Variants in IL1RAPL2 observed in about 807,000 individuals in gnomAD.
The protein encoded by IL1RAPL2 is X-linked interleukin-1 receptor accessory protein-like 2.
IL1RAPL2 carries 3 observed loss-of-function variants against 44.1 expected under a neutral mutation model. The ratio of observed to expected loss-of-function variants is 0.07; its 90% CI spans 0.03 to 0.18. The LOEUF (loss-of-function observed/expected upper bound fraction) is 0.18, where lower values mean the gene tolerates loss of function less well. IL1RAPL2 is among the 10% of genes least tolerant of loss of function. IL1RAPL2 has a pLI of 1.00. For synonymous variants in IL1RAPL2, 181 were observed against 178.8 expected (o/e 1.01, Z -0.10); for missense variants, 391 against 496.4 (o/e 0.79, Z 2.02).
At chrX:105,475,504 C>T (rs752752292) in intron 5 of IL1RAPL2, among the ~76,000 whole-genome samples, 1 of 110,883 alleles carries the variant, frequency 9.0e-6, no homozygotes, top group East Asian at 2.8e-4. Context: ...CTAACTATAT[C>T]CCAAGTTCTG....
chrX:104,842,896 G>A (rs1921948887), intron 2 of IL1RAPL2, among the ~76,000 whole-genome samples: 1 of 112,752 alleles, frequency 8.9e-6, no homozygotes, highest in South Asian at 3.7e-4. Context: ...GAGGCAGTCT[G>A]TCCCTTAGCG....
At chrX:104,675,261 C>T (rs1468735931) in intron 2 of IL1RAPL2, among the ~76,000 whole-genome samples, 4 of 111,496 alleles carry the variant, frequency 3.6e-5, no homozygotes, top group Admixed American at 9.5e-5. Context: ...CCTCTACACA[C>T]TGCTTTAAAT....
intron 6 of IL1RAPL2, among the ~76,000 whole-genome samples, chrX:105,586,171 C>G (rs1396705599): frequency 9.0e-6 from 1 of 110,885 alleles, no homozygotes; most frequent in Non-Finnish European, 1.9e-5. Context: ...GCAAACCACC[C>G]CATTAAAAAG....
chrX:105,685,198 G>T (rs912526873), intron 6 of IL1RAPL2, among the ~76,000 whole-genome samples: 1 of 112,114 alleles, frequency 8.9e-6, no homozygotes, highest in African/African-American at 3.2e-5. Context: ...GCTGGATGGA[G>T]AATGACTTTG....
At chrX:104,931,597 G>A (rs1472309590) in intron 2 of IL1RAPL2, among the ~76,000 whole-genome samples, 1 of 111,424 alleles carries the variant, frequency 9.0e-6, no homozygotes, top group African/African-American at 3.3e-5. Flanking sequence ...GGTATTATTT[G>A]TGAGAAGGCC....
intron 5 of IL1RAPL2, among the ~76,000 whole-genome samples, chrX:105,471,368 AGTGG>A (rs1037825863): frequency 8.9e-6 from 1 of 111,784 alleles, no homozygotes; most frequent in African/African-American, 3.2e-5. Context: ...TGATCTAGAT[AGTGG>A]GTGGCAGATG....
chrX:105,447,315 A>G (rs1177261880), intron 5 of IL1RAPL2, among the ~76,000 whole-genome samples: 1 of 63,718 alleles, frequency 1.6e-5, no homozygotes, highest in East Asian at 5.3e-4. Flanking sequence ...AAATATAAAT[A>G]TATATAAATA....
At chrX:104,909,860 T>A (rs1924173368) in intron 2 of IL1RAPL2, among the ~76,000 whole-genome samples, 1 of 112,664 alleles carries the variant, frequency 8.9e-6, no homozygotes, top group Admixed American at 9.3e-5. Flanking sequence ...GCAGGCCTCC[T>A]TGAGCTGTGG....
At chrX:105,445,998 C>T (rs2035951849) in intron 5 of IL1RAPL2, among the ~76,000 whole-genome samples, 1 of 110,989 alleles carries the variant, frequency 9.0e-6, no homozygotes. Context: ...GTGTAATTCC[C>T]CTGCTATTAT....
At chrX:105,409,906 TAAAC>T (rs2035682765) in intron 5 of IL1RAPL2, among the ~76,000 whole-genome samples, 1 of 108,591 alleles carries the variant, frequency 9.2e-6, no homozygotes, top group Non-Finnish European at 1.9e-5. Flanking sequence ...AAACATATTT[TAAAC>T]AAACAGTATA....
chrX:105,005,029 C>T (rs765435712), intron 2 of IL1RAPL2, among the ~76,000 whole-genome samples: 1 of 108,895 alleles, frequency 9.2e-6, no homozygotes, highest in Non-Finnish European at 1.9e-5. Context: ...ATGCTCATGC[C>T]TTCAGCCTTC....
intron 5 of IL1RAPL2, among the ~76,000 whole-genome samples, chrX:105,297,925 A>G (rs1291365587): frequency 9.0e-6 from 1 of 111,205 alleles, no homozygotes; most frequent in Non-Finnish European, 1.9e-5. Context: ...CATTTTCTCT[A>G]TGTGTGTGTG....
chrX:104,847,908 C>T (rs907105674), intron 2 of IL1RAPL2, among the ~76,000 whole-genome samples: 1 of 111,010 alleles, frequency 9.0e-6, no homozygotes, highest in Non-Finnish European at 1.9e-5. Flanking sequence ...AGGTCCTTCA[C>T]ATCCCTTGTA....
At chrX:105,375,792 C>T (rs981592516) in intron 5 of IL1RAPL2, among the ~76,000 whole-genome samples, 1 of 111,831 alleles carries the variant, frequency 8.9e-6, no homozygotes, top group East Asian at 2.8e-4. Flanking sequence ...CTTTATAACC[C>T]AGAACTTGAT....
chrX:104,635,479 C>A (rs1412417801), intron 1 of IL1RAPL2, among the ~76,000 whole-genome samples: 1 of 111,894 alleles, frequency 8.9e-6, no homozygotes, highest in Admixed American at 9.5e-5. Flanking sequence ...TTCAGGTACG[C>A]CAATCAGACG....
chrX:105,041,531 A>G (rs914461053), intron 2 of IL1RAPL2, among the ~76,000 whole-genome samples: 2 of 109,896 alleles, frequency 1.8e-5, no homozygotes, highest in Non-Finnish European at 3.8e-5. Flanking sequence ...GACGTGAAGG[A>G]CCTCTTCAAG....
At chrX:105,517,354 G>C (rs1057462115) in intron 6 of IL1RAPL2, among the ~76,000 whole-genome samples, 2 of 111,573 alleles carry the variant, frequency 1.8e-5, no homozygotes, top group African/African-American at 6.5e-5. Context: ...GTTTAAACTT[G>C]GTGGTCCTGC....
At chrX:105,030,868 C>T (rs936750169) in intron 2 of IL1RAPL2, among the ~76,000 whole-genome samples, 1 of 111,742 alleles carries the variant, frequency 8.9e-6, no homozygotes, top group Non-Finnish European at 1.9e-5. Flanking sequence ...ATTCTTCCTA[C>T]CCATGAGCGT....
At chrX:104,695,621 A>G (rs894465449) in intron 2 of IL1RAPL2, among the ~76,000 whole-genome samples, 5 of 109,447 alleles carry the variant, frequency 4.6e-5, no homozygotes, top group South Asian at 8.2e-4. Flanking sequence ...TAGATATAGC[A>G]GGTCAGATGA....
Sources: gnomAD v4.1 joint callset for allele counts (sites outside exome capture counted in the v4.1 genomes callset) on GRCh38, gnomAD v4.1.1 for gene constraint, MANE v1.5 for transcripts, NCBI Gene and HGNC (gene_info 2026-07-23, HGNC 2026-07-21) for gene names.